The following ARRB1 variants were observed in gnomAD, a reference collection of about 807,000 sequenced individuals.
ARRB1 encodes the protein beta-arrestin-1.
A neutral mutation model predicts 56.8 loss-of-function variants in ARRB1; 21 were observed. The observed-to-expected ratio is 0.37, with a 90% confidence interval of 0.26 to 0.53. ARRB1 has a LOEUF of 0.53. Ranked by LOEUF, ARRB1 falls within the 20% of genes least tolerant of loss-of-function variation. The pLI is 0.88. For missense variants in ARRB1, 424 were observed against 553.7 expected (o/e 0.77, Z 2.35); for synonymous variants, 210 against 218.6 (o/e 0.96, Z 0.35).
chr11:75,345,157 G>C (rs555487485), intron 1 of ARRB1, among the ~76,000 whole-genome samples: 2 of 152,268 alleles, frequency 1.3e-5, no homozygotes, highest in African/African-American at 4.8e-5. Context: ...ACACAATTCT[G>C]GGGACCTGTC....
intron 8 of ARRB1, among the ~76,000 whole-genome samples, chr11:75,277,823 G>C (rs546998086): frequency 6.6e-6 from 1 of 152,232 alleles, no homozygotes; most frequent in Non-Finnish European, 1.5e-5. Context: ...CCCTGGCTTG[G>C]CCAGCAGTAA....
chr11:75,321,293 C>A (rs890789443), intron 1 of ARRB1, among the ~76,000 whole-genome samples: 5 of 146,026 alleles, frequency 3.4e-5, no homozygotes, highest in African/African-American at 1.3e-4. Flanking sequence ...CCCCCCACCT[C>A]TTCCTCAGGA....
At chr11:75,300,605 G>A (rs1208074100) in intron 1 of ARRB1, among the ~76,000 whole-genome samples, 1 of 152,228 alleles carries the variant, frequency 6.6e-6, no homozygotes, top group Non-Finnish European at 1.5e-5. Context: ...GCCGAGGTGG[G>A]CGGATCATGT....
intron 1 of ARRB1, among the ~76,000 whole-genome samples, chr11:75,296,685 CT>C (rs796941023): frequency 4.0e-5 from 6 of 148,366 alleles, no homozygotes; most frequent in African/African-American, 4.9e-5. Context: ...ATTTTTTTTC[CT>C]TTTTTTTTTG....
intron 1 of ARRB1, among the ~76,000 whole-genome samples, chr11:75,294,602 TAAA>T (rs58827950): frequency 0.28 from 24,867 of 87,352 alleles, 2,366 homozygotes; most frequent in East Asian, 0.43. Context: ...AATAAATAAA[TAAA>T]TAACTTAAAA....
intron 1 of ARRB1, among the ~76,000 whole-genome samples, chr11:75,321,566 T>C (rs1947350280): frequency 6.6e-6 from 1 of 152,186 alleles, no homozygotes; most frequent in Non-Finnish European, 1.5e-5. Flanking sequence ...TGCTGGAATT[T>C]AGGGGTCCTT....
In ARRB1 at chr11:75,266,023, C is replaced by A; in HGVS notation, c.*140G>T. On this transcript the variant is annotated 3_prime_UTR_variant, in exon 16 of 16. Transcript: ENST00000420843. ...AATCCTGAGGCCAGAGGTTCATCAC[C>A]GTGATCTGGAAGCCCACGGGGCCCC... 1.5e-6 allele frequency: 1 copy of A among 677,908 alleles called. No homozygotes were observed. 42.0% of individuals were successfully genotyped at this position (677,908 alleles called of 1,614,324 possible).
chr11:75,308,958 T>G (rs1947096155), intron 1 of ARRB1, among the ~76,000 whole-genome samples: 1 of 152,256 alleles, frequency 6.6e-6, no homozygotes, highest in Admixed American at 6.5e-5. Flanking sequence ...TAAATATTTA[T>G]GTTTAATCTC....
intron 1 of ARRB1, among the ~76,000 whole-genome samples, chr11:75,305,529 G>C (rs1215907829): frequency 6.6e-6 from 1 of 152,190 alleles, no homozygotes; most frequent in Non-Finnish European, 1.5e-5. Flanking sequence ...TCTGAAGTCA[G>C]AGTATTTACA....
Position 75,278,591 on chromosome 11 carries a change from C to T in ARRB1, c.618+18G>A. 1 of 1,613,854 alleles carries T rather than the reference C, an allele frequency of 6.2e-7. No individual in the cohort carries two copies. Among genetic ancestry groups the T allele is most frequent in the South Asian group, 1.1e-5 (1 of 91,072 alleles). On this transcript the variant is annotated intron_variant, in intron 8 of 15. Transcript: ENST00000420843. ...TGGTGGAGCAGCCCCCACCCCCTGC[C>T]AAGTCCGAGCCTCCTACCTCCTTAT...
chr11:75,294,889 A>T (rs1023290420), intron 1 of ARRB1, among the ~76,000 whole-genome samples: 3 of 152,116 alleles, frequency 2.0e-5, no homozygotes, highest in African/African-American at 7.2e-5. Context: ...TTCATTTTCT[A>T]TGGCTGCTGT....
chr11:75,333,636 C>T (rs1333253473), intron 1 of ARRB1, among the ~76,000 whole-genome samples: 1 of 152,190 alleles, frequency 6.6e-6, no homozygotes, highest in Non-Finnish European at 1.5e-5. Context: ...TACCACAACC[C>T]TATGGGGGTG....
intron 1 of ARRB1, among the ~76,000 whole-genome samples, chr11:75,317,340 C>T (rs550032396): frequency 6.6e-6 from 1 of 152,230 alleles, no homozygotes; most frequent in South Asian, 2.1e-4. Context: ...GTGCTCTCCC[C>T]TCCCATCAGC....
chr11:75,315,741 C>T (rs1025124565), intron 1 of ARRB1, among the ~76,000 whole-genome samples: 1 of 152,150 alleles, frequency 6.6e-6, no homozygotes, highest in Non-Finnish European at 1.5e-5. Flanking sequence ...CACCTGGTCA[C>T]GGCTGGATAC....
chr11:75,267,825 G>A, intron 14 of ARRB1, 122 bp from the exon 15 acceptor site: 2 of 811,006 alleles, frequency 2.5e-6, no homozygotes, highest in East Asian at 5.3e-5. Flanking sequence ...AAGGATAAAG[G>A]GGAATGGAGA....
chr11:75,325,346 G>T (rs954542811), intron 1 of ARRB1, among the ~76,000 whole-genome samples: 18 of 152,142 alleles, frequency 1.2e-4, no homozygotes, highest in Non-Finnish European at 2.2e-4. Context: ...TTTCAACAGG[G>T]TCTCTCGTTC....
chr11:75,339,514 T>G (rs1199968247), intron 1 of ARRB1, among the ~76,000 whole-genome samples: 1 of 152,186 alleles, frequency 6.6e-6, no homozygotes, highest in Non-Finnish European at 1.5e-5. Flanking sequence ...AGGAAGTCAG[T>G]CCTGGATGAA....
chr11:75,270,290 G>T (rs924903860), intron 13 of ARRB1, among the ~76,000 whole-genome samples: 3 of 151,994 alleles, frequency 2.0e-5, no homozygotes, highest in African/African-American at 7.3e-5. Flanking sequence ...AGACCAGCCT[G>T]GGCAACCTGG....
intron 10 of ARRB1, among the ~76,000 whole-genome samples, chr11:75,275,234 C>T (rs1477319180): frequency 1.3e-5 from 2 of 151,536 alleles, no homozygotes; most frequent in Admixed American, 6.6e-5. Context: ...GGAACCTCCA[C>T]CTCCCAGGTT....
Sources: allele counts gnomAD v4.1 joint callset (sites outside exome capture counted in the v4.1 genomes callset), GRCh38; gene constraint gnomAD v4.1.1; transcripts MANE v1.5; gene names NCBI Gene and HGNC (gene_info 2026-07-23, HGNC 2026-07-21).